PHLPP1: variants seen among roughly 807,000 people sequenced by gnomAD.
PHLPP1 encodes PH domain and leucine rich repeat protein phosphatase 1.
In PHLPP1, 42 loss-of-function variants were observed where a neutral mutation model predicts 117.2. The observed-to-expected ratio is 0.36, with a 90% confidence interval of 0.28 to 0.46. PHLPP1 has a LOEUF of 0.46. Among genes scored for constraint, PHLPP1 ranks in the 20% least tolerant of loss-of-function variants. The pLI is 1.00. For synonymous variants in PHLPP1, 1,042 were observed against 970.7 expected (o/e 1.07, Z -1.37); for missense variants, 2,084 against 2,241.9 (o/e 0.93, Z 1.42).
At chr18:62,892,768 T>G (rs895277892) in intron 4 of PHLPP1, among the ~76,000 whole-genome samples, 1 of 149,538 alleles carries the variant, frequency 6.7e-6, no homozygotes, top group Non-Finnish European at 1.5e-5. Context: ...CCCAACTACT[T>G]GGGAGGCTGA....
intron 1 of PHLPP1, among the ~76,000 whole-genome samples, chr18:62,792,868 CAAAAAA>C (rs71160870): frequency 4.7e-4 from 27 of 56,844 alleles, no homozygotes; most frequent in Middle Eastern, 8.2e-3. Context: ...GCCTCTGTCT[CAAAAAA>C]AAAAAAAAAA....
intron 4 of PHLPP1, among the ~76,000 whole-genome samples, chr18:62,893,536 T>C (rs1568152555): frequency 6.6e-6 from 1 of 152,198 alleles, no homozygotes; most frequent in Non-Finnish European, 1.5e-5. Flanking sequence ...ACCTGTCAAA[T>C]AGGTACATGG....
At chr18:62,875,272 A>AT (rs955420422) in intron 4 of PHLPP1, among the ~76,000 whole-genome samples, 3 of 152,022 alleles carry the variant, frequency 2.0e-5, no homozygotes, top group African/African-American at 7.2e-5. Context: ...TCTTAATGTG[A>AT]TTTTTATCAT....
In PHLPP1 at chr18:62,740,267, T is replaced by C. The variant is rs571445363; in HGVS notation, c.1576+23008T>C. Among the ~76,000 whole-genome samples, 53 of 152,352 alleles carry C rather than the reference T, an allele frequency of 3.5e-4. No homozygotes were observed. The South Asian group carries it at 9.1e-3, about 26-fold the overall frequency. The stretch of plus-strand genomic sequence containing the variant: ...AGCTGGGATTGTGCTTTCTATTATA[T>C]TCTGTTTCCTTTCTGTTTATAAACT... On this transcript the variant is annotated intron_variant, in intron 1 of 16. Transcript: ENST00000262719.
intron 1 of PHLPP1, among the ~76,000 whole-genome samples, chr18:62,754,518 C>T (rs778729537): frequency 2.6e-4 from 39 of 152,186 alleles, no homozygotes; most frequent in Admixed American, 2.6e-4. Flanking sequence ...TTGCAGTTAA[C>T]GCTGAGAGAG....
intron 1 of PHLPP1, among the ~76,000 whole-genome samples, chr18:62,755,994 T>G (rs1444656399): frequency 1.4e-5 from 2 of 142,174 alleles, no homozygotes; most frequent in Non-Finnish European, 3.1e-5. Flanking sequence ...CCCCCCCCCT[T>G]CAATTTGTGC....
intron 1 of PHLPP1, among the ~76,000 whole-genome samples, chr18:62,787,026 C>T (rs1043608923): frequency 2.0e-5 from 3 of 152,024 alleles, no homozygotes; most frequent in African/African-American, 7.2e-5. Context: ...TGCATGCATT[C>T]ATTCATTTAT....
At chr18:62,776,400 T>C (rs2144273656) in intron 1 of PHLPP1, among the ~76,000 whole-genome samples, 2 of 152,330 alleles carry the variant, frequency 1.3e-5, no homozygotes, top group Middle Eastern at 6.8e-3. Context: ...ACCCACATTA[T>C]AGAGGGAAGT....
At chr18:62,894,294 C>A (rs1249972386) in intron 4 of PHLPP1, among the ~76,000 whole-genome samples, 1 of 152,180 alleles carries the variant, frequency 6.6e-6, no homozygotes. Context: ...CTCCCAGGTT[C>A]AAGTGATTCT....
intron 10 of PHLPP1, among the ~76,000 whole-genome samples, chr18:62,932,582 ACT>A (rs1229467050): frequency 6.6e-6 from 1 of 152,186 alleles, no homozygotes; most frequent in East Asian, 1.9e-4. Flanking sequence ...CATGATAAAA[ACT>A]CTCAACAAAC....
chr18:62,825,555 G>A (rs1391421710), intron 1 of PHLPP1: 1 of 151,188 alleles, frequency 6.6e-6, no homozygotes, highest in Admixed American at 6.6e-5. Flanking sequence ...TGACTTCCTG[G>A]GCTCAAGCAG....
chr18:62,836,480 TAAATAA>T (rs1568132885), intron 2 of PHLPP1, among the ~76,000 whole-genome samples: 246 of 93,146 alleles, frequency 2.6e-3, no homozygotes, highest in African/African-American at 8.0e-3. Flanking sequence ...AATAAATAAA[TAAATAA>T]AAATAAATTA....
At chr18:62,826,114 A>G (rs922564070) in intron 1 of PHLPP1, 2 of 229,180 alleles carry the variant, frequency 8.7e-6, no homozygotes, top group East Asian at 1.0e-4. Context: ...TAAATCTACT[A>G]CAGTTATCTG....
intron 1 of PHLPP1, among the ~76,000 whole-genome samples, chr18:62,755,944 A>G (rs1022598391): frequency 6.6e-6 from 1 of 151,946 alleles, no homozygotes. Flanking sequence ...ATGTCTTGTT[A>G]AGGCAAAAAG....
intron 12 of PHLPP1, among the ~76,000 whole-genome samples, chr18:62,954,029 T>A (rs928961732): frequency 6.6e-6 from 1 of 152,244 alleles, no homozygotes; most frequent in Admixed American, 6.5e-5. Flanking sequence ...AAAGACAGGC[T>A]CCATGCAGCT....
intron 3 of PHLPP1, among the ~76,000 whole-genome samples, chr18:62,858,051 A>G (rs1915540887): frequency 6.6e-6 from 1 of 152,178 alleles, no homozygotes; most frequent in Non-Finnish European, 1.5e-5. Context: ...ATCTTTCTTT[A>G]TATGAGTGGT....
chr18:62,912,093 A>G (rs1274567374), intron 8 of PHLPP1, among the ~76,000 whole-genome samples: 3 of 118,706 alleles, frequency 2.5e-5, no homozygotes, highest in African/African-American at 6.3e-5. Context: ...ATAGGTGGGA[A>G]TTGAACAATG....
At chr18:62,875,234 A>G (rs1432571285) in intron 4 of PHLPP1, among the ~76,000 whole-genome samples, 4 of 152,066 alleles carry the variant, frequency 2.6e-5, no homozygotes, top group Admixed American at 2.6e-4. Flanking sequence ...GATTACAGGC[A>G]TGAGGCACCA....
At position 62,786,162 on chromosome 18, in the gene PHLPP1, T is replaced by C. The variant is rs151164235; in HGVS notation, c.1577-43873T>C. 1.0e-3 allele frequency among the ~76,000 whole-genome samples: 155 copies of C among 152,350 alleles called. 2 individuals are homozygous for C. Among genetic ancestry groups the C allele is most frequent in the African/African-American group, 3.6e-3 (148 of 41,582 alleles). On this transcript the variant is annotated intron_variant, in intron 1 of 16. Transcript: ENST00000262719. ...TCTTAATATAGGCGTCTGTGGCTAA[T>C]GCTCACAGGTAAAAGTCAGTTTTTA...
Sources: gnomAD v4.1 joint callset for allele counts (sites outside exome capture counted in the v4.1 genomes callset) on GRCh38, gnomAD v4.1.1 for gene constraint, MANE v1.5 for transcripts, NCBI Gene and HGNC (gene_info 2026-07-23, HGNC 2026-07-21) for gene names.